Variants in GABPA observed in about 807,000 individuals in gnomAD.
GABPA encodes GA-binding protein alpha chain.
Under a neutral mutation model 59.4 loss-of-function variants are expected in GABPA, and 4 were observed. The observed-to-expected ratio is 0.07, with a 90% CI of 0.03 to 0.15. GABPA has a LOEUF of 0.15. Among genes scored for constraint, GABPA ranks in the 10% least tolerant of loss-of-function variants. The pLI, the probability that GABPA is intolerant of heterozygous loss-of-function variation, is 1.00. For missense variants in GABPA, 251 were observed against 543.8 expected (o/e 0.46, Z 5.36); for synonymous variants, 164 against 183.1 (o/e 0.90, Z 0.84).
At chr21:25,754,536 G>A (rs867362478) in intron 5 of GABPA, among the ~76,000 whole-genome samples, 1 of 151,686 alleles carries the variant, frequency 6.6e-6, no homozygotes, top group African/African-American at 2.4e-5. Context: ...CTTCATTTTT[G>A]TTTGTTCCTT....
rs557662504 is a variant in GABPA at position 25,762,504 on chromosome 21, C to A, written c.802+139C>A. The A allele has an allele frequency of 1.8e-5, 10 of 566,280 alleles. No homozygotes were observed. In the African/African-American group the frequency reaches 2.0e-4, roughly 11 times the overall value. The allele number at this position is 566,280 out of a possible 1,614,324, so 35.1% of individuals were successfully genotyped here. A position where few individuals can be genotyped will look rare whatever the true frequency, so the allele number is the denominator to read the frequency against. ...TCTTTTGTTCTGTGGAATGAAAGCT[C>A]GACACAAGTACTTTATAAGATCCAC... On this transcript the variant is annotated intron_variant, in intron 7 of 9. Transcript: ENST00000400075.
chr21:25,749,238 A>C (rs2123518610), intron 4 of GABPA, 118 bp downstream of exon 4: 1 of 632,166 alleles, frequency 1.6e-6, no homozygotes, highest in East Asian at 2.8e-5. Flanking sequence ...TATAATAGCC[A>C]AAATTCATGC....
chr21:25,741,662 T>C lies in GABPA; in HGVS notation c.64T>C (p.Cys22Arg). Residue 22 changes from cysteine to arginine, a missense_variant, in exon 2 of 10, where the codon TGC becomes CGC. Cys to Arg is a radical substitution (Grantham distance 180). Around this residue, in one of 4 missense-constraint regions of GABPA, gnomAD observed 207 missense variants for 366.7 expected, o/e 0.56. Transcript: ENST00000400075. ...IEIDGTEKAECTEESIVEQTY... is the reference protein window; with the variant it reads ...IEIDGTEKAERTEESIVEQTY... The stretch of plus-strand genomic sequence containing the variant: ...GATTGATGGAACAGAGAAAGCAGAG[T>C]GCACAGAAGAAAGGTTGGTGTTTCT... 6.2e-7 allele frequency: 1 copy of C among 1,608,904 alleles called. No individual in the cohort carries two copies. Among genetic ancestry groups the C allele is most frequent in the Non-Finnish European group, 8.5e-7 (1 of 1,177,000 alleles).
chr21:25,765,863 C>G (rs2035878891), intron 9 of GABPA, among the ~76,000 whole-genome samples: 2 of 152,008 alleles, frequency 1.3e-5, no homozygotes, highest in South Asian at 4.1e-4. Context: ...CCAGATTGAT[C>G]TAAGTTTCAG....
intron 5 of GABPA, among the ~76,000 whole-genome samples, chr21:25,752,856 A>G (rs920705016): frequency 6.6e-6 from 1 of 152,202 alleles, no homozygotes; most frequent in African/African-American, 2.4e-5. Flanking sequence ...ACAGGAGCAT[A>G]TTATTATAGT....
At chr21:25,748,953 C>T in intron 3 of GABPA, 83 bp from the exon 4 acceptor site, 1 of 797,338 alleles carries the variant, frequency 1.3e-6, no homozygotes, top group South Asian at 1.4e-5. Context: ...CTGTTTGGTA[C>T]ATCCATTTAT....
intron 5 of GABPA, among the ~76,000 whole-genome samples, chr21:25,755,987 CA>C (rs1324665215): frequency 6.6e-6 from 1 of 152,170 alleles, no homozygotes; most frequent in Non-Finnish European, 1.5e-5. Context: ...TTATTGTCTT[CA>C]AAACATTAGA....
intron 2 of GABPA, among the ~76,000 whole-genome samples, chr21:25,743,002 C>T (rs538710669): frequency 6.6e-6 from 1 of 151,978 alleles, no homozygotes; most frequent in African/African-American, 2.4e-5. Flanking sequence ...AGCAACTTAC[C>T]TGGGTGGATC....
chr21:25,749,099 G>C lies in GABPA; in HGVS notation c.286G>C (p.Val96Leu). 1 of 1,593,734 alleles carries C rather than the reference G, an allele frequency of 6.3e-7. No homozygotes were observed. The highest frequency in any genetic ancestry group is 8.6e-7 in the Non-Finnish European group (1 of 1,164,758). The change falls in exon 4 of 10, where the codon GTA becomes CTA. Residue 96 changes from valine (V) to leucine (L), a missense_variant. By Grantham distance (32) the Val-to-Leu change is conservative (BLOSUM62 1). Transcript: ENST00000400075. ...AACAGATGGAACTGTACAGCTTAGT[G>C]TACAGGTAATTTCTTACCAAGGTAA... Reference protein sequence around the residue: ...VKTDGTVQLSVQVISYQGIEP... With the variant: ...VKTDGTVQLSLQVISYQGIEP...
rs2035688065 is a variant in GABPA at position 25,758,408 on chromosome 21, T to A, written c.748+204T>A. 2.0e-5 allele frequency among the ~76,000 whole-genome samples: 3 copies of A among 152,334 alleles called. No individual in the cohort carries two copies. The South Asian group carries it at 6.2e-4, about 32-fold the overall frequency. ...ACACCATAAGTCATTACTTTGCTTA[T>A]TTTTTAGATAGGAAAGTGAGGCTTT... On this transcript the variant is annotated intron_variant, in intron 6 of 9. Transcript: ENST00000400075.
chr21:25,744,260 G>C (rs1397040054), intron 2 of GABPA, among the ~76,000 whole-genome samples: 2 of 152,028 alleles, frequency 1.3e-5, no homozygotes, highest in East Asian at 1.9e-4. Context: ...GGGAGGCTGA[G>C]GTGGGAAGAT....
Position 25,764,160 on chromosome 21 carries a change from T to C in GABPA, c.803-50T>C, listed in dbSNP as rs895868511. On this transcript the variant is annotated intron_variant, in intron 7 of 9. Coordinates refer to ENST00000400075, the MANE Select transcript of GABPA (RefSeq NM_002040.4). ...AATGTCTTTCAGTAATTTTTTTTTT[T>C]TCCTGCTTGTATTGGAAGAAAAAAA... The C allele has an allele frequency of 3.3e-6, 5 of 1,510,844 alleles. No homozygotes were observed. The African/African-American group carries it at 7.1e-5, about 22-fold the overall frequency. The allele number at this position is 1,510,844 out of a possible 1,614,324, so 93.6% of individuals were successfully genotyped here. A position where few individuals can be genotyped will look rare whatever the true frequency, so the allele number is the denominator to read the frequency against.
chr21:25,744,626 T>C (rs986329245), intron 2 of GABPA, among the ~76,000 whole-genome samples: 2 of 152,208 alleles, frequency 1.3e-5, no homozygotes, highest in African/African-American at 2.4e-5. Context: ...TTTAACCCTT[T>C]TGAATTCAAA....
chr21:25,741,815 C>G (rs371016688), intron 2 of GABPA, 140 bp downstream of exon 2: 157 of 554,262 alleles, frequency 2.8e-4, no homozygotes, highest in Non-Finnish European at 4.8e-4. Flanking sequence ...GTTTTATTTC[C>G]TCTGACTTAA....
At position 25,735,218 on chromosome 21, in the gene GABPA, A is replaced by T. The variant is rs769265937; in HGVS notation, c.-387A>T. 1 of 590,300 alleles carries T rather than the reference A, an allele frequency of 1.7e-6. No individual in the cohort carries two copies. 36.6% of individuals were successfully genotyped at this position (590,300 alleles called of 1,614,324 possible). A position where few individuals can be genotyped will look rare whatever the true frequency, so the allele number is the denominator to read the frequency against. On this transcript the variant is annotated 5_prime_UTR_variant, in exon 1 of 10. Coordinates refer to ENST00000400075, the MANE Select transcript of GABPA (RefSeq NM_002040.4). ...CCTAGTTCAAGCTCCCCTCCGAGTC[A>T]GCGTCCTGTTCGTTAGGGTTATCGA...
intron 1 of GABPA, among the ~76,000 whole-genome samples, chr21:25,738,932 A>AC (rs2035147866): frequency 6.6e-6 from 1 of 152,190 alleles, no homozygotes; most frequent in East Asian, 1.9e-4. Flanking sequence ...AAGAAAAAAA[A>AC]AAACCAAAAA....
intron 5 of GABPA, 107 bp from the exon 6 acceptor site, chr21:25,757,903 T>G: frequency 2.4e-6 from 1 of 421,280 alleles, no homozygotes; most frequent in Non-Finnish European, 4.2e-6. Context: ...CTCATATACT[T>G]GGGGAAAGAA....
At chr21:25,767,363 A>G (rs539920039) in intron 9 of GABPA, among the ~76,000 whole-genome samples, 1 of 152,084 alleles carries the variant, frequency 6.6e-6, no homozygotes, top group African/African-American at 2.4e-5. Flanking sequence ...AAAAAAATAC[A>G]AGTTTAAAAA....
In GABPA at chr21:25,762,296, T is replaced by G. The variant is rs750315599; in HGVS notation, c.749-16T>G. On this transcript the variant is annotated splice_polypyrimidine_tract_variant and intron_variant, in intron 6 of 9. Coordinates refer to ENST00000400075, the MANE Select transcript of GABPA (RefSeq NM_002040.4). ...TTTGGTTTTAAATAAAAACAAAAAA[T>G]TTTTGTTTTTTTCAGATGTATTGGC... The G allele has an allele frequency of 6.1e-6, 9 of 1,485,190 alleles. No individual in the cohort carries two copies. The South Asian group carries it at 9.0e-5, about 15-fold the overall frequency. 92.0% of individuals were successfully genotyped at this position (1,485,190 alleles called of 1,614,324 possible).
Sources: allele counts gnomAD v4.1 joint callset (sites outside exome capture counted in the v4.1 genomes callset), GRCh38; gene constraint gnomAD v4.1.1; regional missense constraint gnomAD v4.1.1; transcripts MANE v1.5; gene names NCBI Gene and HGNC (gene_info 2026-07-23, HGNC 2026-07-21).